STAM2: variants seen among roughly 807,000 people sequenced by gnomAD.
The protein encoded by STAM2 is signal transducing adapter molecule 2.
Under a neutral mutation model 65.6 loss-of-function variants are expected in STAM2, and 51 were observed. The observed-to-expected ratio is 0.78, with a 90% confidence interval of 0.62 to 0.98. STAM2 has a LOEUF of 0.98. STAM2 is among the 50% of genes least tolerant of loss of function. STAM2 has a pLI of 0.00. For missense variants in STAM2, 584 were observed against 617.8 expected, an observed-to-expected ratio of 0.95 and a Z score of 0.58; for synonymous variants, 198 against 208.4, an observed-to-expected ratio of 0.95 and a Z score of 0.43.
At chr2:152,137,128 T>C (rs1293720305) in intron 7 of STAM2, among the ~76,000 whole-genome samples, 2 of 152,068 alleles carry the variant, frequency 1.3e-5, no homozygotes, top group African/African-American at 4.8e-5. Context: ...TCTTAAGTGA[T>C]CCGCCTGCCT....
chr2:152,144,265 A>G (rs1007742532), intron 6 of STAM2, among the ~76,000 whole-genome samples: 1 of 152,152 alleles, frequency 6.6e-6, no homozygotes, highest in African/African-American at 2.4e-5. Flanking sequence ...AGATTGTGAC[A>G]TTATAATATG....
At chr2:152,160,294 T>G (rs1162599038) in intron 1 of STAM2, among the ~76,000 whole-genome samples, 3 of 133,490 alleles carry the variant, frequency 2.2e-5, no homozygotes, top group Non-Finnish European at 4.8e-5. Flanking sequence ...GAGCGCCTCT[T>G]CCCGGCCGCC....
At chr2:152,168,272 T>A (rs982769471) in intron 1 of STAM2, among the ~76,000 whole-genome samples, 12 of 152,138 alleles carry the variant, frequency 7.9e-5, no homozygotes, top group African/African-American at 2.9e-4. Flanking sequence ...GTGATTCTCC[T>A]GCCTCAGCCT....
chr2:152,150,195 A>G lies in STAM2; in HGVS notation c.75T>C (p.Asp25=), dbSNP rs1485737206. The change falls in exon 2 of 14, where the codon GAT becomes GAC. Residue 25 remains aspartate, a synonymous_variant. Coordinates refer to ENST00000263904, the MANE Select transcript of STAM2 (RefSeq NM_005843.6). ...KATNEYNTTE[D]WSLIMDICDK... ...CACATATGTCCATAATAAGACTCCA[A>G]TCTTCTGTAGTGTTGTACTCATTCG... The G allele has an allele frequency of 6.8e-6, 11 of 1,613,500 alleles. No individual in the cohort carries two copies. Among genetic ancestry groups the G allele is most frequent in the Non-Finnish European group, 9.3e-6 (11 of 1,179,682 alleles).
intron 2 of STAM2, among the ~76,000 whole-genome samples, chr2:152,149,447 C>T (rs1689400431): frequency 6.6e-6 from 1 of 150,848 alleles, no homozygotes; most frequent in Non-Finnish European, 1.5e-5. Flanking sequence ...AGCCGAAAAT[C>T]TGTGTATAAC....
At chr2:152,124,170 AAGAC>A in intron 12 of STAM2, 1 of 471,990 alleles carries the variant, frequency 2.1e-6, no homozygotes, top group Non-Finnish European at 3.8e-6. Flanking sequence ...AGCTGGGAGA[AAGAC>A]AGGTGGTGTA....
At chr2:152,139,500 G>A (rs535798200) in intron 7 of STAM2, among the ~76,000 whole-genome samples, 3 of 152,234 alleles carry the variant, frequency 2.0e-5, no homozygotes, top group African/African-American at 2.4e-5. Context: ...AGGCTGTAGC[G>A]TGCTATGCTC....
At chr2:152,168,458 AC>A (rs1689836681) in intron 1 of STAM2, among the ~76,000 whole-genome samples, 2 of 152,052 alleles carry the variant, frequency 1.3e-5, no homozygotes, top group African/African-American at 4.8e-5. Flanking sequence ...GCGCCCAGCC[AC>A]AAGGCCTATT....
chr2:152,154,662 T>G (rs1025524304), intron 1 of STAM2, among the ~76,000 whole-genome samples: 33 of 152,148 alleles, frequency 2.2e-4, no homozygotes, highest in African/African-American at 8.0e-4. Flanking sequence ...GTGACACTAA[T>G]GGAACTCCCT....
rs191030422 is a variant in STAM2, at chr2:152,164,329, T to C, written c.40+11274A>G. 1.2e-4 allele frequency among the ~76,000 whole-genome samples: 19 copies of C among 152,128 alleles called. 1 individual carries two copies. The highest frequency in any genetic ancestry group is 1.2e-3 in the Admixed American group (18 of 15,286). On this transcript the variant is annotated intron_variant, in intron 1 of 13. Coordinates refer to ENST00000263904, the MANE Select transcript of STAM2 (RefSeq NM_005843.6). ...TTTACAAGCAAAGAATCAGGCAGAA[T>C]GCCATGATTAACTTTTTTTTTTTTT... is the stretch of plus-strand genomic sequence containing the variant.
At chr2:152,145,076 T>C in intron 5 of STAM2, 119 bp from the exon 6 acceptor site, 2 of 800,102 alleles carry the variant, frequency 2.5e-6, no homozygotes, top group Non-Finnish European at 4.2e-6. Context: ...CATTTAAAAG[T>C]GAAGTTCTTT....
In STAM2 at chr2:152,117,935, T is replaced by A. The variant is rs900491127; in HGVS notation, c.*2639A>T. The A allele has an allele frequency of 2.6e-5, 4 of 152,170 alleles. No individual in the cohort carries two copies. The highest frequency in any genetic ancestry group is 5.9e-5 in the Non-Finnish European group (4 of 67,996). The allele number at this position is 152,170 out of a possible 1,614,324, so 9.4% of individuals were successfully genotyped here. ...CAAATATAATTACCTAATGTTTAAG[T>A]AATTTTATAAATAAATTACCAAATT... On this transcript the variant is annotated 3_prime_UTR_variant, in exon 14 of 14. Coordinates refer to ENST00000263904, the MANE Select transcript of STAM2 (RefSeq NM_005843.6).
chr2:152,168,905 C>A lies in STAM2; in HGVS notation c.40+6698G>T, dbSNP rs142219848. ...TTATCCAATTCAATTCCTCCGCAGA[C>A]CTTATACAAAAATTAATTCCTGGTG... On this transcript the variant is annotated intron_variant, in intron 1 of 13. Transcript: ENST00000263904. Among the ~76,000 whole-genome samples, 1,163 of 152,288 alleles carry A rather than the reference C, an allele frequency of 7.6e-3. 20 individuals carry two copies. Among genetic ancestry groups the A allele is most frequent in the African/African-American group, 0.027 (1,127 of 41,558 alleles).
Position 152,117,326 on chromosome 2 carries a change from A to C in STAM2, c.*3248T>G, listed in dbSNP as rs1688765598. 1 of 152,066 alleles carries C rather than the reference A, an allele frequency of 6.6e-6. No homozygotes were observed. The allele number at this position is 152,066 out of a possible 1,614,324, so 9.4% of individuals were successfully genotyped here. A position where few individuals can be genotyped will look rare whatever the true frequency, so the allele number is the denominator to read the frequency against. ...ACAGGTGCACTACCACACCTGGCTA[A>C]GTTTTAAAATTTTTGTAGAGATAGG... is the stretch of plus-strand genomic sequence containing the variant. On this transcript the variant is annotated 3_prime_UTR_variant, in exon 14 of 14. Coordinates refer to ENST00000263904, the MANE Select transcript of STAM2 (RefSeq NM_005843.6).
In STAM2 at chr2:152,148,039, A is replaced by G; in HGVS notation, c.285T>C (p.Ala95=). Residue 95 remains alanine (A), a synonymous_variant, in exon 4 of 14, where the codon GCT becomes GCC. Coordinates refer to ENST00000263904, the MANE Select transcript of STAM2 (RefSeq NM_005843.6). ...TAAAATTTACCTTATTTTTAATCAC[A>G]GCACGTACTTCTGTTGCAAAATCAC... The part of the protein sequence containing the change: ...CSRDFATEVR[A]VIKNKAHPKV... 1 of 1,608,578 alleles carries G rather than the reference A, an allele frequency of 6.2e-7. No individual in the cohort carries two copies. The highest frequency in any genetic ancestry group is 8.5e-7 in the Non-Finnish European group (1 of 1,177,518).
chr2:152,121,599 G>A (rs1270621295), intron 13 of STAM2, among the ~76,000 whole-genome samples: 8 of 152,132 alleles, frequency 5.3e-5, no homozygotes, highest in Admixed American at 5.2e-4. Flanking sequence ...AAGGAAAACA[G>A]CATAGTCTGT....
chr2:152,149,437 A>G (rs1689400083), intron 2 of STAM2, among the ~76,000 whole-genome samples: 1 of 151,596 alleles, frequency 6.6e-6, no homozygotes, highest in Non-Finnish European at 1.5e-5. Flanking sequence ...CACCCCACGC[A>G]GCCGAAAATC....
chr2:152,161,973 C>A (rs186544784), intron 1 of STAM2, among the ~76,000 whole-genome samples: 30 of 152,196 alleles, frequency 2.0e-4, no homozygotes, highest in African/African-American at 7.2e-4. Flanking sequence ...CAGGCATGTG[C>A]CACCACACCC....
rs940881103 is a variant in STAM2 at position 152,116,879 on chromosome 2, C to A, written c.*3695G>T. 6.6e-6 allele frequency: 1 copy of A among 152,236 alleles called. No individual in the cohort carries two copies. Among genetic ancestry groups the A allele is most frequent in the African/African-American group, 2.4e-5 (1 of 41,458 alleles). The allele number at this position is 152,236 out of a possible 1,614,324, so 9.4% of individuals were successfully genotyped here. On this transcript the variant is annotated 3_prime_UTR_variant, in exon 14 of 14. Coordinates refer to ENST00000263904, the MANE Select transcript of STAM2 (RefSeq NM_005843.6). ...TAGTTCTGCTGTTAAGTGCCAAATT[C>A]ATAAACTTTATCATAGGGATATGTA...
Sources: allele counts gnomAD v4.1 joint callset (sites outside exome capture counted in the v4.1 genomes callset), GRCh38; gene constraint gnomAD v4.1.1; transcripts MANE v1.5; gene names NCBI Gene and HGNC (gene_info 2026-07-23, HGNC 2026-07-21).